The following PIKFYVE variants were observed in gnomAD, a reference collection of about 807,000 sequenced individuals.
PIKFYVE encodes 1-phosphatidylinositol 3-phosphate 5-kinase.
In PIKFYVE, 122 loss-of-function variants were observed where a neutral mutation model predicts 257.9. That is an observed-to-expected ratio of 0.47 (90% confidence interval 0.41 to 0.55). The LOEUF (loss-of-function observed/expected upper bound fraction) is 0.55. Among genes scored for constraint, PIKFYVE ranks in the 20% least tolerant of loss-of-function variants. PIKFYVE has a pLI of 0.00. For synonymous variants in PIKFYVE, 892 were observed against 868.9 expected (o/e 1.03, Z -0.47); for missense variants, 2,160 against 2,536.6 (o/e 0.85, Z 3.19).
chr2:208,337,706 T>C (rs1198002143), intron 28 of PIKFYVE, among the ~76,000 whole-genome samples: 1 of 152,072 alleles, frequency 6.6e-6, no homozygotes, highest in Non-Finnish European at 1.5e-5. Flanking sequence ...GTCCAAGACC[T>C]TTTCAGGGAC....
chr2:208,345,296 T>C (rs1699128355), intron 33 of PIKFYVE, 102 bp downstream of exon 33: 1 of 1,053,350 alleles, frequency 9.5e-7, no homozygotes, highest in Non-Finnish European at 1.4e-6. Flanking sequence ...CATAAAAATT[T>C]CTAGGATTCA....
chr2:208,325,614 G>A lies in PIKFYVE; in HGVS notation c.2803G>A (p.Val935Met), dbSNP rs1047052355. Residue 935 changes from valine to methionine, a missense_variant, in exon 20 of 42, where the codon GTG (valine) becomes ATG (methionine). Val to Met is a conservative substitution (Grantham distance 21, BLOSUM62 1). This residue lies in a region of PIKFYVE where 522 missense variants were observed against 514.6 expected (regional missense o/e 1.01). Transcript: ENST00000264380. ...DDSSLLELRI[V>M]FEKGEQENKN... ...TAGCAGTTTGCTGGAATTGAGGATT[G>A]TGTTTGAGAAGGGTGAGCAGGAAAA... 1 of 1,614,136 alleles carries A rather than the reference G, an allele frequency of 6.2e-7. No homozygotes were observed. Among genetic ancestry groups the A allele is most frequent in the African/African-American group, 1.3e-5 (1 of 75,052 alleles).
chr2:208,275,095 T>C (rs1425817925), intron 3 of PIKFYVE, among the ~76,000 whole-genome samples: 2 of 152,242 alleles, frequency 1.3e-5, no homozygotes, highest in Non-Finnish European at 2.9e-5. Flanking sequence ...AGCCTGGTGT[T>C]ATTTGGCCAG....
intron 10 of PIKFYVE, among the ~76,000 whole-genome samples, chr2:208,303,709 G>A (rs1693999085): frequency 6.6e-6 from 1 of 152,108 alleles, no homozygotes; most frequent in African/African-American, 2.4e-5. Context: ...TTGTTCAAAG[G>A]TCAGCTGTGT....
rs142999483 is a variant in PIKFYVE, at chr2:208,328,201, A to G, written c.3640A>G (p.Asn1214Asp). The G allele has an allele frequency of 1.9e-6, 3 of 1,613,856 alleles. No individual in the cohort carries two copies. The highest frequency in any genetic ancestry group is 1.1e-5 in the South Asian group (1 of 91,088). The change falls in exon 21 of 42, where the codon AAT (asparagine) becomes GAT (aspartate). Residue 1214 changes from asparagine to aspartate, a missense_variant. Asn to Asp is a conservative substitution (Grantham distance 23). Around this residue, in one of 12 missense-constraint regions of PIKFYVE, gnomAD observed 522 missense variants for 514.6 expected, o/e 1.01. Coordinates refer to ENST00000264380, the MANE Select transcript of PIKFYVE (RefSeq NM_015040.4). ...TCAGGTGGACTGTCTGAATCCCATTAATCACCAGAGACTTTGTGTGCTCTT... is the reference window on the plus strand; with the variant it reads ...TCAGGTGGACTGTCTGAATCCCATTGATCACCAGAGACTTTGTGTGCTCTT... ...STKVDCLNPI[N>D]HQRLCVLFSS...
intron 12 of PIKFYVE, among the ~76,000 whole-genome samples, chr2:208,308,075 A>G (rs1256245250): frequency 6.6e-6 from 1 of 152,242 alleles, no homozygotes; most frequent in Non-Finnish European, 1.5e-5. Context: ...TTATTAAACC[A>G]AACTAATGAA....
At chr2:208,278,579 T>TC (rs1297996147) in intron 5 of PIKFYVE, among the ~76,000 whole-genome samples, 2 of 152,072 alleles carry the variant, frequency 1.3e-5, no homozygotes, top group African/African-American at 4.8e-5. Flanking sequence ...GCTCTAGTAG[T>TC]CCCCTTGTCT....
At chr2:208,321,552 C>CT (rs1194274849) in intron 17 of PIKFYVE, among the ~76,000 whole-genome samples, 1 of 131,218 alleles carries the variant, frequency 7.6e-6, no homozygotes. Context: ...GGAAATACTT[C>CT]TTTTTTCTTT....
chr2:208,330,700 T>C lies in PIKFYVE; in HGVS notation c.3963+6T>C, dbSNP rs375805996. 7 of 1,611,398 alleles carry C rather than the reference T, an allele frequency of 4.3e-6. No homozygotes were observed. The highest frequency in any genetic ancestry group is 5.9e-6 in the Non-Finnish European group (7 of 1,177,956). On this transcript the variant is annotated splice_donor_region_variant and intron_variant, in intron 23 of 41. Coordinates refer to ENST00000264380, the MANE Select transcript of PIKFYVE (RefSeq NM_015040.4). ...GGTGTAGAATCTGCAAACAGGTAAA[T>C]AGACCCTATTACTATATTTTGTTTG...
intron 5 of PIKFYVE, among the ~76,000 whole-genome samples, chr2:208,278,054 A>G (rs948814482): frequency 6.6e-6 from 1 of 152,240 alleles, no homozygotes; most frequent in Non-Finnish European, 1.5e-5. Context: ...ACGTAATTAC[A>G]TGACACTGTG....
Position 208,304,319 on chromosome 2 carries a change from G to A in PIKFYVE, c.1468+1G>A, listed in dbSNP as rs1694064354. The A allele has an allele frequency of 1.2e-5, 20 of 1,613,892 alleles. No individual in the cohort carries two copies. The highest frequency in any genetic ancestry group is 1.6e-5 in the Non-Finnish European group (19 of 1,179,944). ...GAAGAAGGTGACGATAATTTGGCTA[G>A]TGAGTTTAACTTTCTAACATTTTAG... On this transcript the variant is annotated splice_donor_variant, in intron 11 of 41. Transcript: ENST00000264380. LOFTEE classifies it high-confidence loss of function.
At chr2:208,308,111 T>C (rs1179525569) in intron 12 of PIKFYVE, among the ~76,000 whole-genome samples, 3 of 152,142 alleles carry the variant, frequency 2.0e-5, no homozygotes, top group Admixed American at 6.6e-5. Flanking sequence ...AAATCCTTTT[T>C]GTTGGGGCAG....
chr2:208,273,833 A>G, intron 3 of PIKFYVE, 100 bp downstream of exon 3: 1 of 1,480,638 alleles, frequency 6.8e-7, no homozygotes, highest in Non-Finnish European at 9.4e-7. Context: ...CTTTCCTGCT[A>G]TTTGGAATAG....
At chr2:208,330,880 A>G (rs934769062) in intron 23 of PIKFYVE, among the ~76,000 whole-genome samples, 186 bp downstream of exon 23, 4 of 151,694 alleles carry the variant, frequency 2.6e-5, no homozygotes, top group Admixed American at 1.3e-4. Context: ...TGAAGATCCC[A>G]TCTTAGGAAT....
chr2:208,293,692 T>G (rs1210152397), intron 7 of PIKFYVE, among the ~76,000 whole-genome samples: 2 of 132,680 alleles, frequency 1.5e-5, no homozygotes, highest in African/African-American at 5.3e-5. Context: ...TTTTTTTTTC[T>G]TTAAATAGAG....
chr2:208,347,923 T>C lies in PIKFYVE; in HGVS notation c.5274T>C (p.Ser1758=), dbSNP rs1049786406. Residue 1758 remains serine, a synonymous_variant, in exon 35 of 42, where the codon TCT becomes TCC. Coordinates refer to ENST00000264380, the MANE Select transcript of PIKFYVE (RefSeq NM_015040.4). ...CAGCAGGGAAAAGCCCCGATCTCTC[T>C]TCCCAGAAGAGAGAGACCTTACGTG... ...RGTAGKSPDL[S]SQKRETLRGA... 2.5e-6 allele frequency: 4 copies of C among 1,614,058 alleles called. No homozygotes were observed. Among genetic ancestry groups the C allele is most frequent in the Non-Finnish European group, 3.4e-6 (4 of 1,179,916 alleles).
chr2:208,340,945 T>C (rs1383847407), intron 31 of PIKFYVE, among the ~76,000 whole-genome samples: 1 of 152,168 alleles, frequency 6.6e-6, no homozygotes, highest in African/African-American at 2.4e-5. Context: ...AGTTTCTTGA[T>C]TGGGCTTGGA....
chr2:208,358,129 T>C lies in PIKFYVE; in HGVS notation c.*2824T>C, dbSNP rs959658506. The C allele has an allele frequency of 6.6e-6, 1 of 152,328 alleles. No homozygotes were observed. The highest frequency in any genetic ancestry group is 1.9e-4 in the East Asian group (1 of 5,204). The allele number at this position is 152,328 out of a possible 1,614,324, so 9.4% of individuals were successfully genotyped here. A position where few individuals can be genotyped will look rare whatever the true frequency, so the allele number is the denominator to read the frequency against. On this transcript the variant is annotated 3_prime_UTR_variant, in exon 42 of 42. Coordinates refer to ENST00000264380, the MANE Select transcript of PIKFYVE (RefSeq NM_015040.4). ...AGTGATTTTCTAGCTTTGGCTCTTA[T>C]TAGGTATTGTAAATAGTAGGGTTAT...
intron 28 of PIKFYVE, among the ~76,000 whole-genome samples, chr2:208,338,024 A>G (rs1698329217): frequency 6.6e-6 from 1 of 150,900 alleles, no homozygotes; most frequent in Non-Finnish European, 1.5e-5. Flanking sequence ...CACCTGGCTC[A>G]TTTTTATTTT....
Sources: allele counts gnomAD v4.1 joint callset (sites outside exome capture counted in the v4.1 genomes callset), GRCh38; gene constraint gnomAD v4.1.1; regional missense constraint gnomAD v4.1.1; transcripts MANE v1.5; gene names NCBI Gene and HGNC (gene_info 2026-07-23, HGNC 2026-07-21).